Variants in COG7 observed in about 807,000 individuals in gnomAD.
COG7 encodes component of oligomeric golgi complex 7.
COG7 carries 49 observed loss-of-function variants against 91.5 expected under a neutral mutation model. The ratio of observed to expected loss-of-function variants is 0.54; its 90% confidence interval spans 0.43 to 0.68. The LOEUF is 0.68. COG7 is among the 30% of genes least tolerant of loss of function. The pLI is 0.00. For synonymous variants in COG7, 365 were observed against 388.7 expected (o/e 0.94, Z 0.72); for missense variants, 895 against 961.3 (o/e 0.93, Z 0.91).
chr16:23,422,582 A>G (rs936106033), intron 7 of COG7, among the ~76,000 whole-genome samples: 2 of 151,034 alleles, frequency 1.3e-5, no homozygotes, highest in East Asian at 1.9e-4. Flanking sequence ...ATTTGTGAAC[A>G]ATGTATATTT....
intron 1 of COG7, among the ~76,000 whole-genome samples, chr16:23,450,107 G>C (rs1250339033): frequency 6.6e-6 from 1 of 151,842 alleles, no homozygotes; most frequent in Non-Finnish European, 1.5e-5. Context: ...CTCTAATTTT[G>C]TATTTTTAGT....
chr16:23,434,544 T>C, intron 5 of COG7, 92 bp downstream of exon 5: 1 of 975,844 alleles, frequency 1.0e-6, no homozygotes, highest in Non-Finnish European at 1.6e-6. Flanking sequence ...AGACAAATGT[T>C]CTTACCTTCT....
chr16:23,452,711 G>A (rs1964283744), intron 1 of COG7, 115 bp downstream of exon 1: 6 of 1,481,192 alleles, frequency 4.1e-6, no homozygotes, highest in East Asian at 2.5e-5. Flanking sequence ...CTTTTGCCGA[G>A]GGTATTTGCT....
intron 4 of COG7, among the ~76,000 whole-genome samples, chr16:23,437,314 T>A (rs1964027701): frequency 6.6e-6 from 1 of 152,058 alleles, no homozygotes; most frequent in Non-Finnish European, 1.5e-5. Context: ...CTTAAATGCA[T>A]GGAGCCACCA....
At chr16:23,418,627 C>T (rs981999502) in intron 8 of COG7, 73 bp downstream of exon 8, 92 of 1,461,812 alleles carry the variant, frequency 6.3e-5, no homozygotes, top group Non-Finnish European at 8.6e-5. Flanking sequence ...AACCCCCAGC[C>T]CTCTCCCAGA....
At chr16:23,398,881 T>C (rs971612260) in intron 13 of COG7, among the ~76,000 whole-genome samples, 14 of 152,162 alleles carry the variant, frequency 9.2e-5, no homozygotes, top group African/African-American at 3.4e-4. Context: ...CGTGTTGTTG[T>C]GGAAGCCTTC....
intron 3 of COG7, among the ~76,000 whole-genome samples, chr16:23,443,314 G>A (rs1361297862): frequency 1.3e-5 from 2 of 152,176 alleles, no homozygotes; most frequent in African/African-American, 4.8e-5. Flanking sequence ...CAGAGGCTGA[G>A]GCAGGAGGAT....
At chr16:23,423,711 T>C (rs933031359) in intron 7 of COG7, among the ~76,000 whole-genome samples, 3 of 152,212 alleles carry the variant, frequency 2.0e-5, no homozygotes, top group African/African-American at 7.2e-5. Flanking sequence ...AACTATTAAA[T>C]AAACCAAGTC....
chr16:23,448,546 G>A (rs1033246533), intron 1 of COG7, among the ~76,000 whole-genome samples: 6 of 151,978 alleles, frequency 3.9e-5, no homozygotes, highest in Non-Finnish European at 7.4e-5. Flanking sequence ...TCCTGGCCTC[G>A]AGCAATCCTC....
intron 3 of COG7, among the ~76,000 whole-genome samples, chr16:23,443,423 G>T (rs1303761393): frequency 6.6e-6 from 1 of 152,112 alleles, no homozygotes. Flanking sequence ...GGGAAGGGTG[G>T]CTCACGCCCC....
intron 10 of COG7, among the ~76,000 whole-genome samples, chr16:23,410,758 T>G (rs542940898): frequency 2.0e-5 from 3 of 152,174 alleles, no homozygotes; most frequent in East Asian, 1.9e-4. Context: ...CAGGCTGGAG[T>G]GCAATGGCGT....
intron 13 of COG7, among the ~76,000 whole-genome samples, chr16:23,400,982 G>T (rs111625192): frequency 0.017 from 2,632 of 151,054 alleles, 71 homozygotes; most frequent in African/African-American, 0.057. Context: ...AAAAAAAAGG[G>T]GGGGGGGAAA....
Position 23,413,535 on chromosome 16 carries a change from T to C in COG7, c.1322A>G (p.Gln441Arg), listed in dbSNP as rs747613399. 6.2e-7 allele frequency: 1 copy of C among 1,608,828 alleles called. No individual in the cohort carries two copies. Among genetic ancestry groups the C allele is most frequent in the South Asian group, 1.1e-5 (1 of 90,956 alleles). The change falls in exon 10 of 17, where the codon CAG becomes CGG. Residue 441 changes from glutamine (Q) to arginine (R), a missense_variant. By Grantham distance (43) the Gln-to-Arg change is conservative. Coordinates refer to ENST00000307149, the MANE Select transcript of COG7 (RefSeq NM_153603.4). ...KYVSDFTSTL[Q>R]SIRKKCKLDH... ...CAGTTTGCACTTCTTTCGTATGGAC[T>C]GGAGAGTGCTGGTGAAATCAGACAC...
Position 23,424,739 on chromosome 16 carries a change from G to A in COG7, c.1009+10C>T. 1.2e-6 allele frequency: 2 copies of A among 1,613,880 alleles called. No individual in the cohort carries two copies. The highest frequency in any genetic ancestry group is 1.7e-6 in the Non-Finnish European group (2 of 1,179,742). ...GACAAGCTAGAGAACTGGCAGGAAG[G>A]AATGTTTACGTAGGTGGGGGAGCAG... On this transcript the variant is annotated intron_variant, in intron 7 of 16. Transcript: ENST00000307149.
Position 23,445,110 on chromosome 16 carries a change from G to C in COG7, c.373C>G (p.Leu125Val). Residue 125 changes from leucine to valine, a missense_variant, in exon 3 of 17, where the codon CTT (leucine) becomes GTT (valine). Physicochemically the swap from Leu to Val is conservative, Grantham distance 32. Coordinates refer to ENST00000307149, the MANE Select transcript of COG7 (RefSeq NM_153603.4). The part of the protein sequence containing the change: ...KSRMQLAAES[L>V]QEADKWSTLS... ...GTGCTCCACTTATCTGCTTCCTGAA[G>C]AGATTCGGCAGCAAGTTGCATTCTG... The C allele has an allele frequency of 3.1e-6, 5 of 1,614,092 alleles. No homozygotes were observed. Among genetic ancestry groups the C allele is most frequent in the Non-Finnish European group, 4.2e-6 (5 of 1,180,014 alleles).
intron 13 of COG7, among the ~76,000 whole-genome samples, chr16:23,400,395 G>A (rs868833852): frequency 6.6e-6 from 1 of 152,172 alleles, no homozygotes; most frequent in African/African-American, 2.4e-5. Context: ...GGTGCAGCAA[G>A]GGAGCCCAGA....
At chr16:23,445,219 G>T in intron 2 of COG7, 55 bp from the exon 3 acceptor site, 3 of 1,203,388 alleles carry the variant, frequency 2.5e-6, no homozygotes, top group Non-Finnish European at 3.7e-6. Flanking sequence ...TTCTCCATCT[G>T]CCACCAGGGA....
chr16:23,407,586 G>A (rs1444728225), intron 11 of COG7, among the ~76,000 whole-genome samples: 3 of 152,220 alleles, frequency 2.0e-5, no homozygotes, highest in South Asian at 4.1e-4. Context: ...TCAGCCAATG[G>A]CAGAGCTCCC....
intron 7 of COG7, among the ~76,000 whole-genome samples, chr16:23,421,620 T>C (rs761980278): frequency 6.6e-6 from 1 of 151,834 alleles, no homozygotes; most frequent in Non-Finnish European, 1.5e-5. Context: ...ATATCAGTAA[T>C]TGTCTAAGAA....
Sources: allele counts gnomAD v4.1 joint callset (sites outside exome capture counted in the v4.1 genomes callset), GRCh38; gene constraint gnomAD v4.1.1; transcripts MANE v1.5; gene names NCBI Gene and HGNC (gene_info 2026-07-23, HGNC 2026-07-21).